IL31RA: variants seen among roughly 807,000 people sequenced by gnomAD.
IL31RA encodes the protein interleukin-31 receptor subunit alpha.
In IL31RA, 66 loss-of-function variants were observed where a neutral mutation model predicts 83.7. The ratio of observed to expected loss-of-function variants is 0.79; its 90% CI spans 0.65 to 0.97. The LOEUF (loss-of-function observed/expected upper bound fraction) is 0.97, where lower values mean the gene tolerates loss of function less well. Among genes scored for constraint, IL31RA ranks in the 50% least tolerant of loss-of-function variants. IL31RA has a pLI of 0.00. For missense variants in IL31RA, 798 were observed against 919.4 expected (o/e 0.87, Z 1.71); for synonymous variants, 325 against 329.0 (o/e 0.99, Z 0.13).
chr5:55,867,278 CAT>C (rs1561543705), intron 2 of IL31RA, among the ~76,000 whole-genome samples: 2 of 12,530 alleles, frequency 1.6e-4, no homozygotes, highest in African/African-American at 4.8e-4. Context: ...CGTGTGTGTG[CAT>C]GTGTGTGTGC....
At chr5:55,875,815 G>C (rs1178930820) in intron 4 of IL31RA, among the ~76,000 whole-genome samples, 2 of 152,054 alleles carry the variant, frequency 1.3e-5, no homozygotes, top group African/African-American at 4.8e-5. Context: ...AATTGCCACT[G>C]CTTAAAACTT....
At chr5:55,856,959 C>T (rs558513873) in intron 1 of IL31RA, among the ~76,000 whole-genome samples, 1 of 152,174 alleles carries the variant, frequency 6.6e-6, no homozygotes, top group Non-Finnish European at 1.5e-5. Context: ...TGAGATTATA[C>T]ACAGGTTTCT....
chr5:55,861,606 C>G (rs79213426), intron 2 of IL31RA, among the ~76,000 whole-genome samples: 281 of 152,316 alleles, frequency 1.8e-3, no homozygotes, highest in African/African-American at 6.5e-3. Flanking sequence ...ATGTAGGGGA[C>G]TGCTGTGATA....
intron 11 of IL31RA, 172 bp downstream of exon 11, chr5:55,908,583 G>A: frequency 6.4e-7 from 1 of 1,552,640 alleles, no homozygotes; most frequent in Non-Finnish European, 8.7e-7. Flanking sequence ...CACCTTTTGG[G>A]GTTTTGGGGG....
chr5:55,871,546 T>A (rs909265819), intron 3 of IL31RA, among the ~76,000 whole-genome samples: 1 of 152,212 alleles, frequency 6.6e-6, no homozygotes, highest in Non-Finnish European at 1.5e-5. Flanking sequence ...ATCTATCATC[T>A]ATCTATCTGT....
At chr5:55,906,325 G>C in intron 9 of IL31RA, 37 bp downstream of exon 9, 3 of 1,600,792 alleles carry the variant, frequency 1.9e-6, no homozygotes, top group Non-Finnish European at 2.6e-6. Context: ...CCTCAGTGCA[G>C]GGTTTGGTTT....
At chr5:55,879,484 G>A (rs1747070254) in intron 4 of IL31RA, among the ~76,000 whole-genome samples, 1 of 114,566 alleles carries the variant, frequency 8.7e-6, no homozygotes, top group Non-Finnish European at 1.6e-5. Context: ...CCAGGCTGGA[G>A]TGCTGTGGCG....
chr5:55,883,345 T>G (rs887346138), intron 5 of IL31RA, 150 bp downstream of exon 5: 6 of 798,798 alleles, frequency 7.5e-6, no homozygotes, highest in Middle Eastern at 3.2e-4. Flanking sequence ...CAGTTTTCCA[T>G]TTTTCCATCT....
In IL31RA at chr5:55,867,225, GTGTGTGTT is replaced by G. The variant is rs1346146538; in HGVS notation, c.155-1558_155-1551del. The stretch of plus-strand genomic sequence containing the variant: ...TGTGTGTGTGCGCATGTGTGTTTGT[GTGTGTGTT>G]TGTGTGTGTGTTTGTGTGTGCGTGT... On this transcript the variant is annotated intron_variant, in intron 2 of 14. Coordinates refer to ENST00000652347, the MANE Select transcript of IL31RA (RefSeq NM_139017.7). Among the ~76,000 whole-genome samples the G allele has an allele frequency of 1.8e-4, 22 of 121,890 alleles. 1 individual carries two copies. Among genetic ancestry groups the G allele is most frequent in the African/African-American group, 7.7e-4 (20 of 26,086 alleles). The allele number at this position is 121,890 out of a possible 152,430, so 80.0% of individuals were successfully genotyped here. A position where few individuals can be genotyped will look rare whatever the true frequency, so the allele number is the denominator to read the frequency against.
chr5:55,916,628 C>T lies in IL31RA; in HGVS notation c.1819-16C>T. The T allele has an allele frequency of 6.2e-7, 1 of 1,609,834 alleles. No individual in the cohort carries two copies. The highest frequency in any genetic ancestry group is 8.5e-7 in the Non-Finnish European group (1 of 1,176,258). On this transcript the variant is annotated splice_polypyrimidine_tract_variant and intron_variant, in intron 14 of 14. Transcript: ENST00000652347. ...CTCCTAAATGACCACTTGGGATGTC[C>T]CTTTTTCTTTTCCAGGATAAGCTAA...
At chr5:55,867,311 G>A (rs1447842721) in intron 2 of IL31RA, among the ~76,000 whole-genome samples, 4 of 149,676 alleles carry the variant, frequency 2.7e-5, no homozygotes, top group Non-Finnish European at 5.9e-5. Context: ...GTGCGTGTGT[G>A]TGTGTGCGTG....
chr5:55,916,783 C>T lies in IL31RA; in HGVS notation c.1958C>T (p.Thr653Ile), dbSNP rs774083828. 3.7e-5 allele frequency: 59 copies of T among 1,614,138 alleles called. No homozygotes were observed. The Admixed American group carries it at 9.5e-4, about 26-fold the overall frequency. Residue 653 changes from threonine (T) to isoleucine (I), a missense_variant, in exon 15 of 15, where the codon ACA (threonine) becomes ATA (isoleucine). Thr to Ile is a moderately conservative substitution (Grantham distance 89). Transcript: ENST00000652347. ...GGGAATGTTCTGCAAGAAATTTTCA[C>T]AGATGAAGCCAGAACGGGTCAGGAA... ...NFGNVLQEIF[T>I]DEARTGQENN... is the part of the protein sequence containing the mutation.
At chr5:55,894,538 C>T (rs954892170) in intron 6 of IL31RA, among the ~76,000 whole-genome samples, 15 of 152,168 alleles carry the variant, frequency 9.9e-5, no homozygotes, top group African/African-American at 3.6e-4. Context: ...TTGCATTTAT[C>T]TCATTGGGAG....
intron 2 of IL31RA, among the ~76,000 whole-genome samples, chr5:55,867,270 T>A (rs1746214235): frequency 9.1e-6 from 1 of 109,744 alleles, no homozygotes; most frequent in African/African-American, 5.3e-5. Context: ...TTTGTGTGCG[T>A]GTGTGTGCAT....
intron 8 of IL31RA, among the ~76,000 whole-genome samples, chr5:55,902,624 G>A (rs543909619): frequency 1.3e-5 from 2 of 152,244 alleles, no homozygotes; most frequent in Admixed American, 1.3e-4. Context: ...GTGACAGAGC[G>A]AGACCCTGTC....
chr5:55,888,142 G>A (rs961262869), intron 5 of IL31RA, among the ~76,000 whole-genome samples: 1 of 152,178 alleles, frequency 6.6e-6, no homozygotes, highest in Admixed American at 6.5e-5. Context: ...GGTGAGTTAG[G>A]ATTTGGCACA....
At position 55,918,572 on chromosome 5, in the gene IL31RA, G is replaced by A. The variant is rs1035694822; in HGVS notation, c.*1452G>A. 2.6e-5 allele frequency among the ~76,000 whole-genome samples: 4 copies of A among 152,122 alleles called. No homozygotes were observed. The highest frequency in any genetic ancestry group is 4.4e-5 in the Non-Finnish European group (3 of 68,020). Reference sequence around the variant, plus strand: ...AGTGCCGAGGATGTTCAATGGCGCAGCGTGCATGGGGCAGAGTTGGTCACT... The same window carrying A: ...AGTGCCGAGGATGTTCAATGGCGCAACGTGCATGGGGCAGAGTTGGTCACT... On this transcript the variant is annotated 3_prime_UTR_variant, in exon 15 of 15. Coordinates refer to ENST00000652347, the MANE Select transcript of IL31RA (RefSeq NM_139017.7).
At chr5:55,890,206 G>T in intron 6 of IL31RA, 71 bp downstream of exon 6, 9 of 1,483,706 alleles carry the variant, frequency 6.1e-6, no homozygotes, top group South Asian at 2.3e-5. Flanking sequence ...ACTTGGTGGG[G>T]TTTGTCACCA....
At chr5:55,907,578 A>G (rs1361871614) in intron 10 of IL31RA, 118 bp downstream of exon 10, 12 of 743,450 alleles carry the variant, frequency 1.6e-5, no homozygotes, top group Non-Finnish European at 2.9e-5. Context: ...TTTGTGCTTC[A>G]TCTTGTAGTG....
Sources: gnomAD v4.1 joint callset for allele counts (sites outside exome capture counted in the v4.1 genomes callset) on GRCh38, gnomAD v4.1.1 for gene constraint, MANE v1.5 for transcripts, NCBI Gene and HGNC (gene_info 2026-07-23, HGNC 2026-07-21) for gene names.